Variants in SPATA16 observed in about 807,000 individuals in gnomAD.
SPATA16 encodes spermatogenesis-associated protein 16.
SPATA16 carries 36 observed loss-of-function variants against 63.3 expected under a neutral mutation model. That is an observed-to-expected ratio of 0.57 (90% CI 0.44 to 0.75). The LOEUF is 0.75. Ranked by LOEUF, SPATA16 falls within the 30% of genes least tolerant of loss-of-function variation. SPATA16 has a pLI of 0.00. For missense variants in SPATA16, 646 were observed against 679.3 expected (o/e 0.95, Z 0.54); for synonymous variants, 203 against 216.7 (o/e 0.94, Z 0.56).
intron 1 of SPATA16, among the ~76,000 whole-genome samples, chr3:173,124,443 C>A (rs1169509997): frequency 6.6e-6 from 1 of 152,162 alleles, no homozygotes; most frequent in Non-Finnish European, 1.5e-5. Context: ...AATGAAAATG[C>A]CTTGGCTCTT....
At chr3:172,909,262 T>C (rs1732307780) in intron 10 of SPATA16, among the ~76,000 whole-genome samples, 1 of 152,124 alleles carries the variant, frequency 6.6e-6, no homozygotes, top group Non-Finnish European at 1.5e-5. Flanking sequence ...GTGCCATCAT[T>C]TTATTCTCTC....
At chr3:173,127,288 A>C (rs1284065481) in intron 1 of SPATA16, among the ~76,000 whole-genome samples, 1 of 152,160 alleles carries the variant, frequency 6.6e-6, no homozygotes, top group Non-Finnish European at 1.5e-5. Context: ...TACCCCTTAA[A>C]GCTTCAGTGC....
At chr3:172,956,307 G>A (rs1262087527) in intron 6 of SPATA16, among the ~76,000 whole-genome samples, 1 of 152,016 alleles carries the variant, frequency 6.6e-6, no homozygotes, top group Non-Finnish European at 1.5e-5. Flanking sequence ...AGTAGAAATA[G>A]TAGGGACTGG....
At chr3:173,020,267 G>T (rs1030671490) in intron 3 of SPATA16, among the ~76,000 whole-genome samples, 3 of 152,020 alleles carry the variant, frequency 2.0e-5, no homozygotes, top group Non-Finnish European at 4.4e-5. Flanking sequence ...ACTCCAGCCT[G>T]GGGGACAAGA....
At chr3:172,946,321 A>G (rs1206208706) in intron 6 of SPATA16, among the ~76,000 whole-genome samples, 2 of 152,198 alleles carry the variant, frequency 1.3e-5, no homozygotes, top group African/African-American at 4.8e-5. Flanking sequence ...TCCTTTAGGA[A>G]AGGAGAGAAA....
At chr3:173,056,176 C>A (rs948529749) in intron 2 of SPATA16, among the ~76,000 whole-genome samples, 2 of 152,266 alleles carry the variant, frequency 1.3e-5, no homozygotes, top group East Asian at 3.9e-4. Context: ...ACATCTTCAT[C>A]ATTATGTCTG....
chr3:173,029,130 T>C (rs906407259), intron 3 of SPATA16, among the ~76,000 whole-genome samples: 7 of 152,078 alleles, frequency 4.6e-5, no homozygotes, highest in African/African-American at 1.2e-4. Flanking sequence ...TTCCTTTTAC[T>C]GGAAACATTT....
intron 10 of SPATA16, among the ~76,000 whole-genome samples, chr3:172,900,020 C>T (rs1265282023): frequency 1.3e-5 from 2 of 152,072 alleles, no homozygotes; most frequent in African/African-American, 4.8e-5. Context: ...CATACTTTTG[C>T]TTACTGTGTT....
intron 10 of SPATA16, among the ~76,000 whole-genome samples, chr3:172,905,675 A>G (rs754741065): frequency 3.0e-5 from 4 of 132,668 alleles, no homozygotes; most frequent in African/African-American, 1.2e-4. Context: ...TAGGATCACA[A>G]TAAGTATGAT....
intron 2 of SPATA16, among the ~76,000 whole-genome samples, chr3:173,091,332 T>C (rs1737215712): frequency 7.3e-6 from 1 of 136,498 alleles, no homozygotes; most frequent in Admixed American, 7.2e-5. Context: ...ATTAATTTAT[T>C]TGACTTTTTT....
chr3:172,892,902 T>C (rs558834739), intron 10 of SPATA16, among the ~76,000 whole-genome samples: 1 of 152,326 alleles, frequency 6.6e-6, no homozygotes, highest in East Asian at 1.9e-4. Context: ...TTTTTGTGTA[T>C]ATATGCGCCA....
Position 172,916,422 on chromosome 3 carries a change from G to T in SPATA16, c.1398C>A (p.Ser466Arg). The change falls in exon 9 of 11, where the codon AGC becomes AGA. Residue 466 changes from serine (S) to arginine (R), a missense_variant. Physicochemically the swap from Ser to Arg is moderately radical, Grantham distance 110. Coordinates refer to ENST00000351008, the MANE Select transcript of SPATA16 (RefSeq NM_031955.6). Reference sequence around the variant, plus strand: ...ACTGCTCCTTTACTCTCTGCAGCTGGCTGAGGAGGCTGGCATATTGCAACT... The same window carrying T: ...ACTGCTCCTTTACTCTCTGCAGCTGTCTGAGGAGGCTGGCATATTGCAACT... ...MEKLQYASLL[S>R]QLQRVKEQSQ... 6.2e-7 allele frequency: 1 copy of T among 1,613,788 alleles called. No homozygotes were observed. The highest frequency in any genetic ancestry group is 1.1e-5 in the South Asian group (1 of 91,076).
intron 3 of SPATA16, among the ~76,000 whole-genome samples, chr3:173,035,679 G>A (rs1205446672): frequency 6.6e-6 from 1 of 151,956 alleles, no homozygotes; most frequent in African/African-American, 2.4e-5. Flanking sequence ...CCAAATGCTG[G>A]GAGAATGCCA....
chr3:173,001,839 T>G (rs1734835688), intron 4 of SPATA16, among the ~76,000 whole-genome samples: 1 of 152,186 alleles, frequency 6.6e-6, no homozygotes, highest in Non-Finnish European at 1.5e-5. Context: ...GCATTTTACT[T>G]GTTGTTAGTG....
rs1288127203 is a variant in SPATA16, at chr3:173,088,155, G to A, written c.612+28965C>T. The stretch of plus-strand genomic sequence containing the variant: ...GCTGAACTGCAGTGGTGTGATCTCA[G>A]CTCACTGCAACCTCCGCCTCCCAGG... On this transcript the variant is annotated intron_variant, in intron 2 of 10. Transcript: ENST00000351008. Among the ~76,000 whole-genome samples the A allele has an allele frequency of 2.1e-5, 3 of 143,954 alleles. No homozygotes were observed. The Admixed American group carries it at 2.2e-4, about 10-fold the overall frequency. 94.4% of individuals were successfully genotyped at this position (143,954 alleles called of 152,430 possible).
intron 3 of SPATA16, among the ~76,000 whole-genome samples, chr3:173,030,999 T>C (rs1735591486): frequency 6.6e-6 from 1 of 152,080 alleles, no homozygotes; most frequent in Non-Finnish European, 1.5e-5. Flanking sequence ...ACTGTATGTT[T>C]CCATTTTCAT....
At chr3:173,023,406 C>T in intron 3 of SPATA16, among the ~76,000 whole-genome samples, 1 of 151,944 alleles carries the variant, frequency 6.6e-6, no homozygotes, top group Admixed American at 6.6e-5. Context: ...CTCTAATTAT[C>T]TTTATTTTAT....
chr3:172,993,663 T>A, intron 4 of SPATA16, among the ~76,000 whole-genome samples: 1 of 152,196 alleles, frequency 6.6e-6, no homozygotes, highest in Non-Finnish European at 1.5e-5. Flanking sequence ...GTGAGCATAT[T>A]TGTGTATAGG....
chr3:173,064,320 C>CAAAAAAAAAA (rs59773490), intron 2 of SPATA16, among the ~76,000 whole-genome samples: 754 of 57,548 alleles, frequency 0.013, 16 homozygotes, highest in African/African-American at 0.049. Flanking sequence ...ACACGCACAC[C>CAAAAAAAAAA]AAAAAAAAAA....
Sources: allele counts gnomAD v4.1 joint callset (sites outside exome capture counted in the v4.1 genomes callset), GRCh38; gene constraint gnomAD v4.1.1; transcripts MANE v1.5; gene names NCBI Gene and HGNC (gene_info 2026-07-23, HGNC 2026-07-21).